Variants in GLIS3 observed in about 807,000 individuals in gnomAD.
The protein encoded by GLIS3 is GLIS family zinc finger 3, also known as zinc finger protein GLIS3.
In GLIS3, 53 loss-of-function variants were observed where a neutral mutation model predicts 78.6. The observed-to-expected ratio is 0.67, with a 90% CI of 0.54 to 0.85. GLIS3 has a LOEUF of 0.85. Among genes scored for constraint, GLIS3 ranks in the 40% least tolerant of loss-of-function variants. The pLI is 0.00. For synonymous variants in GLIS3, 684 were observed against 509.9 expected (o/e 1.34, Z -4.60); for missense variants, 1,703 against 1,231.1 (o/e 1.38, Z -5.74).
chr9:3,865,511 G>A (rs977475936), intron 8 of GLIS3, among the ~76,000 whole-genome samples: 1 of 152,202 alleles, frequency 6.6e-6, no homozygotes, highest in Non-Finnish European at 1.5e-5. Context: ...ATGACTCGCT[G>A]TTTCAGAAAC....
intron 4 of GLIS3, among the ~76,000 whole-genome samples, chr9:4,112,084 G>T (rs1466998423): frequency 6.6e-6 from 1 of 152,166 alleles, no homozygotes; most frequent in Admixed American, 6.5e-5. Flanking sequence ...AATGGGAACA[G>T]GGTGACAAAT....
intron 6 of GLIS3, among the ~76,000 whole-genome samples, chr9:3,909,112 C>A (rs1269882491): frequency 6.6e-6 from 1 of 152,138 alleles, no homozygotes; most frequent in Non-Finnish European, 1.5e-5. Context: ...GAAACGAAGC[C>A]AGAAGGAAAG....
At chr9:4,383,698 C>A in the GLIS3 span, among the ~76,000 whole-genome samples, 3 of 152,182 alleles carry the variant, frequency 2.0e-5, no homozygotes, top group African/African-American at 7.2e-5. Context: ...TCCCCTATAA[C>A]CTTTCTTAGG....
the GLIS3 span, among the ~76,000 whole-genome samples, chr9:4,423,526 A>G: frequency 6.6e-6 from 1 of 152,174 alleles, no homozygotes; most frequent in East Asian, 1.9e-4. Flanking sequence ...GCAGCAGCCT[A>G]CAGGACATCA....
chr9:4,171,156 T>C (rs1259124800), intron 2 of GLIS3, among the ~76,000 whole-genome samples: 1 of 152,164 alleles, frequency 6.6e-6, no homozygotes, highest in Non-Finnish European at 1.5e-5. Context: ...TTTCCATCAT[T>C]AAAGGGCTAT....
chr9:3,824,198 A>G lies in GLIS3; in HGVS notation c.*4074T>C, dbSNP rs1046630068. On this transcript the variant is annotated 3_prime_UTR_variant, in exon 11 of 11. Transcript: ENST00000381971. ...TGTTTTATTTATGGACACTCCCAAC[A>G]TGTAAAGGACTCAGGGAGACATTCA... 1.3e-5 allele frequency: 2 copies of G among 152,642 alleles called. No individual in the cohort carries two copies. The highest frequency in any genetic ancestry group is 2.9e-5 in the Non-Finnish European group (2 of 68,040). 9.5% of individuals were successfully genotyped at this position (152,642 alleles called of 1,614,324 possible).
chr9:3,977,783 A>G lies in GLIS3; in HGVS notation c.1711-40594T>C, dbSNP rs145415361. Among the ~76,000 whole-genome samples the G allele has an allele frequency of 3.5e-3, 528 of 152,278 alleles. 2 individuals are homozygous for G. The highest frequency in any genetic ancestry group is 0.012 in the African/African-American group (498 of 41,544). ...GACTACCCCTTTCACCAAAGAGGAG[A>G]AAAAAATATTCTTAATTGAATTGAA... On this transcript the variant is annotated intron_variant, in intron 4 of 10. Transcript: ENST00000381971. The surrounding 1 kb of genome is among the most constrained non-coding windows in gnomAD (Gnocchi z 4.1).
chr9:4,343,765 C>G (rs1437861425), intron 2 of GLIS3, among the ~76,000 whole-genome samples: 2 of 152,190 alleles, frequency 1.3e-5, no homozygotes, highest in Non-Finnish European at 2.9e-5. Context: ...TCCTTTGCAG[C>G]AACATGGATG....
chr9:4,107,463 T>A (rs182052074), intron 4 of GLIS3, among the ~76,000 whole-genome samples: 31 of 152,266 alleles, frequency 2.0e-4, no homozygotes, highest in Admixed American at 1.5e-3. Flanking sequence ...TAGACTCAGA[T>A]TGCAGAGCCA....
the GLIS3 span, among the ~76,000 whole-genome samples, chr9:4,432,157 A>G: frequency 6.6e-6 from 1 of 152,200 alleles, no homozygotes; most frequent in Non-Finnish European, 1.5e-5. Context: ...TCCCCATATA[A>G]TTTCATGATG....
intron 2 of GLIS3, among the ~76,000 whole-genome samples, chr9:4,252,659 G>A (rs1050647872): frequency 2.0e-5 from 3 of 152,138 alleles, no homozygotes; most frequent in African/African-American, 7.2e-5. Flanking sequence ...TTGCTGGTGA[G>A]GAGTTGTGAT....
At chr9:3,932,567 G>C in intron 5 of GLIS3, 97 bp from the exon 6 acceptor site, 1 of 865,166 alleles carries the variant, frequency 1.2e-6, no homozygotes, top group Non-Finnish European at 2.0e-6. Context: ...AGCATGAACT[G>C]TTACCAATTG....
the GLIS3 span, among the ~76,000 whole-genome samples, chr9:4,404,040 AC>A: frequency 6.6e-6 from 1 of 152,204 alleles, no homozygotes; most frequent in Non-Finnish European, 1.5e-5. Flanking sequence ...AAGATAATCC[AC>A]GACAATAGAA....
chr9:4,118,920 A>G lies in GLIS3; in HGVS notation c.597-39T>C. 1 of 1,588,878 alleles carries G rather than the reference A, an allele frequency of 6.3e-7. No homozygotes were observed. The highest frequency in any genetic ancestry group is 8.5e-7 in the Non-Finnish European group (1 of 1,173,860). ...CAGAAAGGAAGAAAAAAAAAAGATA[A>G]ACATTTTAGCAGGATACGGATTGCT... On this transcript the variant is annotated intron_variant, in intron 3 of 10. Coordinates refer to ENST00000381971, the MANE Select transcript of GLIS3 (RefSeq NM_001042413.2). The surrounding 1 kb of genome is among the most constrained non-coding windows in gnomAD (Gnocchi z 4.7).
At chr9:4,101,060 G>T (rs929294392) in intron 4 of GLIS3, among the ~76,000 whole-genome samples, 1 of 152,208 alleles carries the variant, frequency 6.6e-6, no homozygotes, top group Admixed American at 6.5e-5. Flanking sequence ...TTCACGGAAG[G>T]CTGCGGTGGA....
intron 4 of GLIS3, among the ~76,000 whole-genome samples, chr9:4,009,236 C>T (rs1821803826): frequency 1.3e-5 from 2 of 152,164 alleles, no homozygotes; most frequent in African/African-American, 4.8e-5. Flanking sequence ...AGGAGGCTGC[C>T]CACCTCCCTC....
chr9:3,990,224 C>A (rs550732106), intron 4 of GLIS3, among the ~76,000 whole-genome samples: 20 of 152,138 alleles, frequency 1.3e-4, no homozygotes, highest in Admixed American at 2.6e-4. Context: ...TTCCATTAAT[C>A]ATCACCAAAA....
At chr9:4,350,207 G>A (rs1222468857), upstream of GLIS3, among the ~76,000 whole-genome samples, 3 of 152,150 alleles carry the variant, frequency 2.0e-5, no homozygotes, top group Non-Finnish European at 2.9e-5. Context: ...CTCCACCACC[G>A]CATGGCCATG....
chr9:3,844,387 G>A (rs1195874743), intron 9 of GLIS3, among the ~76,000 whole-genome samples: 2 of 152,094 alleles, frequency 1.3e-5, no homozygotes, highest in Admixed American at 6.5e-5. Context: ...GTCCAACAGA[G>A]GAACGCCTAG....
Sources: allele counts gnomAD v4.1 joint callset (sites outside exome capture counted in the v4.1 genomes callset), GRCh38; gene constraint gnomAD v4.1.1; non-coding constraint Gnocchi (gnomAD v3.1); transcripts MANE v1.5; gene names NCBI Gene and HGNC (gene_info 2026-07-23, HGNC 2026-07-21).